DOCK7: variants seen among roughly 807,000 people sequenced by gnomAD.
DOCK7 encodes the protein dedicator of cytokinesis 7.
In DOCK7, 138 loss-of-function variants were observed where a neutral mutation model predicts 271.0. That is an observed-to-expected ratio of 0.51 (90% confidence interval 0.44 to 0.59). The LOEUF is 0.59. DOCK7 is among the 20% of genes least tolerant of loss of function. DOCK7 has a pLI of 0.00. For missense variants in DOCK7, 2,066 were observed against 2,592.4 expected (o/e 0.80, Z 4.41); for synonymous variants, 823 against 876.1 (o/e 0.94, Z 1.07).
intron 1 of DOCK7, among the ~76,000 whole-genome samples, chr1:62,666,623 G>A (rs958695976): frequency 2.6e-5 from 4 of 152,132 alleles, no homozygotes; most frequent in Non-Finnish European, 5.9e-5. Context: ...ACCATATCAT[G>A]ATCCAAAGTA....
intron 18 of DOCK7, among the ~76,000 whole-genome samples, chr1:62,563,031 C>T (rs962894439): frequency 6.6e-6 from 1 of 152,042 alleles, no homozygotes; most frequent in South Asian, 2.1e-4. Flanking sequence ...CTGTCCCTTG[C>T]CTGGTGATAG....
chr1:62,504,266 A>T (rs1397057825), intron 37 of DOCK7, among the ~76,000 whole-genome samples: 4 of 152,162 alleles, frequency 2.6e-5, no homozygotes, highest in Non-Finnish European at 5.9e-5. Flanking sequence ...ATAATAAAAG[A>T]CAAATGAAAA....
At chr1:62,604,498 T>C (rs1212780614) in intron 14 of DOCK7, 2 of 1,004,514 alleles carry the variant, frequency 2.0e-6, no homozygotes, top group Non-Finnish European at 3.0e-6. Flanking sequence ...CTTATACAGA[T>C]TATTTAAAAC....
At chr1:62,456,320 A>T (rs1645346743) in intron 49 of DOCK7, among the ~76,000 whole-genome samples, 1 of 152,198 alleles carries the variant, frequency 6.6e-6, no homozygotes, top group Non-Finnish European at 1.5e-5. Context: ...TTAAACTTAA[A>T]TTCTAAAAAA....
At chr1:62,647,651 T>C (rs777931861) in intron 7 of DOCK7, 40 bp downstream of exon 7, 1 of 1,444,482 alleles carries the variant, frequency 6.9e-7, no homozygotes, top group Non-Finnish European at 9.5e-7. Context: ...AATTTTATCC[T>C]GGAAAATAAA....
chr1:62,563,688 C>T, intron 18 of DOCK7, among the ~76,000 whole-genome samples: 1 of 151,732 alleles, frequency 6.6e-6, no homozygotes, highest in East Asian at 1.9e-4. Context: ...ATCAAATTCA[C>T]ACACAACAAT....
chr1:62,563,842 G>C (rs1378746403), intron 18 of DOCK7, among the ~76,000 whole-genome samples: 1 of 86,220 alleles, frequency 1.2e-5, no homozygotes, highest in Non-Finnish European at 2.1e-5. Context: ...AAAATAAAGG[G>C]ATGGAGGAAT....
chr1:62,505,290 T>G (rs1006369398), intron 36 of DOCK7, among the ~76,000 whole-genome samples: 1 of 152,202 alleles, frequency 6.6e-6, no homozygotes. Context: ...TTTCCATTCA[T>G]CATAAAATAA....
At chr1:62,644,312 A>T (rs1557850331) in intron 7 of DOCK7, among the ~76,000 whole-genome samples, 1 of 152,064 alleles carries the variant, frequency 6.6e-6, no homozygotes, top group African/African-American at 2.4e-5. Context: ...TTCTCTTTTT[A>T]TTTTTTCCTG....
chr1:62,686,170 T>A (rs1340071923), intron 1 of DOCK7, among the ~76,000 whole-genome samples: 241 of 750 alleles, frequency 0.32, 107 homozygotes, highest in Admixed American at 0.79. Flanking sequence ...TTTTTTTTTT[T>A]TTTTTTTTTT....
chr1:62,539,476 C>T (rs2149393054), intron 27 of DOCK7, 69 bp downstream of exon 27: 1 of 1,340,468 alleles, frequency 7.5e-7, no homozygotes, highest in East Asian at 2.3e-5. Flanking sequence ...TCTCTTAGCT[C>T]TAACTTTGAA....
chr1:62,543,312 C>T (rs1025579560), intron 24 of DOCK7: 2 of 180,180 alleles, frequency 1.1e-5, no homozygotes, highest in African/African-American at 4.7e-5. Context: ...TCTAACTCAT[C>T]TTCCTTTCCC....
chr1:62,547,271 T>A (rs1158651576), intron 22 of DOCK7, among the ~76,000 whole-genome samples: 1 of 152,206 alleles, frequency 6.6e-6, no homozygotes, highest in African/African-American at 2.4e-5. Context: ...AATTCAGGTG[T>A]TATAAAGCTA....
intron 28 of DOCK7, among the ~76,000 whole-genome samples, 169 bp from the exon 29 acceptor site, chr1:62,535,801 G>C (rs1023467571): frequency 6.6e-6 from 1 of 152,174 alleles, no homozygotes; most frequent in African/African-American, 2.4e-5. Flanking sequence ...ACTATGATGA[G>C]ATTGCTTTAT....
chr1:62,653,952 C>T (rs1165036102), intron 3 of DOCK7, 32 bp downstream of exon 3: 1 of 1,599,894 alleles, frequency 6.3e-7, no homozygotes. Flanking sequence ...TATAGTTCCT[C>T]TAAAGCCAAA....
At chr1:62,461,144 A>G (rs1402250829) in intron 48 of DOCK7, among the ~76,000 whole-genome samples, 3 of 152,172 alleles carry the variant, frequency 2.0e-5, no homozygotes, top group Non-Finnish European at 2.9e-5. Flanking sequence ...AAAATCTACA[A>G]AAAACCTGTA....
At position 62,528,151 on chromosome 1, in the gene DOCK7, C is replaced by T. The variant is rs1553163123; in HGVS notation, c.3936G>A (p.Thr1312=). 1.9e-6 allele frequency: 3 copies of T among 1,605,544 alleles called. No homozygotes were observed. Among genetic ancestry groups the T allele is most frequent in the Non-Finnish European group, 2.6e-6 (3 of 1,176,438 alleles). Residue 1312 remains threonine, a splice_region_variant and synonymous_variant, in exon 31 of 50, where the codon ACG becomes ACA. Coordinates refer to ENST00000635253, the MANE Select transcript of DOCK7 (RefSeq NM_001367561.1). ...AATTCTGTAGGAGGATTGTTTTTAC[C>T]GTTGACGTGAGGAGGAAACTGCCAG... ...TRPGSFLLTS[T]SGRQHTTFSA...
chr1:62,601,722 T>C (rs1418664230), intron 14 of DOCK7: 6 of 1,274,018 alleles, frequency 4.7e-6, no homozygotes, highest in South Asian at 1.2e-5. Flanking sequence ...TCCAAAGATA[T>C]TATTCCTATT....
chr1:62,573,079 C>G (rs1207372841), intron 18 of DOCK7, among the ~76,000 whole-genome samples: 1 of 152,032 alleles, frequency 6.6e-6, no homozygotes, highest in African/African-American at 2.4e-5. Flanking sequence ...TAAAAAGAAA[C>G]AGAGTGTGTA....
Sources: allele counts gnomAD v4.1 joint callset (sites outside exome capture counted in the v4.1 genomes callset), GRCh38; gene constraint gnomAD v4.1.1; transcripts MANE v1.5; gene names NCBI Gene and HGNC (gene_info 2026-07-23, HGNC 2026-07-21).